The following HFM1 variants were observed in gnomAD, a reference collection of about 807,000 sequenced individuals.
HFM1 encodes the protein helicase for meiosis 1, also known as probable ATP-dependent DNA helicase HFM1.
HFM1 carries 169 observed loss-of-function variants against 192.1 expected under a neutral mutation model. The observed-to-expected ratio is 0.88, with a 90% CI of 0.78 to 1.00. HFM1 has a LOEUF of 1.00. Among genes scored for constraint, HFM1 ranks in the 50% least tolerant of loss-of-function variants. The pLI, the probability that HFM1 is intolerant of heterozygous loss-of-function variation, is 0.00. For synonymous variants in HFM1, 525 were observed against 537.8 expected (o/e 0.98, Z 0.33); for missense variants, 1,661 against 1,668.0 (o/e 1.00, Z 0.07).
chr1:91,323,529 T>C (rs1652442425), intron 21 of HFM1, among the ~76,000 whole-genome samples: 1 of 152,168 alleles, frequency 6.6e-6, no homozygotes, highest in Admixed American at 6.5e-5. Context: ...ATAAACACTG[T>C]TTTTGTTACT....
At chr1:91,305,148 T>C (rs969437488) in intron 30 of HFM1, among the ~76,000 whole-genome samples, 2 of 152,190 alleles carry the variant, frequency 1.3e-5, no homozygotes, top group Non-Finnish European at 2.9e-5. Context: ...GCTTAGCTAT[T>C]CTGGGTCCCT....
chr1:91,282,875 C>A (rs767540596), intron 30 of HFM1, among the ~76,000 whole-genome samples: 1 of 152,146 alleles, frequency 6.6e-6, no homozygotes, highest in Non-Finnish European at 1.5e-5. Context: ...CATGTCTAAA[C>A]GCTGCCACAA....
intron 13 of HFM1, among the ~76,000 whole-genome samples, chr1:91,358,905 A>C (rs2101806498): frequency 6.6e-6 from 1 of 152,306 alleles, no homozygotes; most frequent in East Asian, 1.9e-4. Context: ...TTCTAGAGGA[A>C]GTAGCTGGCT....
chr1:91,376,095 G>A (rs12729011), intron 11 of HFM1, among the ~76,000 whole-genome samples: 184 of 152,002 alleles, frequency 1.2e-3, no homozygotes, highest in Non-Finnish European at 2.1e-3. Context: ...CAAAATGGCT[G>A]ACATCTCTTT....
chr1:91,348,209 C>CA (rs1339549924), intron 18 of HFM1, among the ~76,000 whole-genome samples: 1 of 151,400 alleles, frequency 6.6e-6, no homozygotes, highest in Non-Finnish European at 1.5e-5. Flanking sequence ...TATCTCAATA[C>CA]AAAAAAGTAA....
intron 38 of HFM1, 27 bp downstream of exon 38, chr1:91,262,214 C>A: frequency 9.0e-7 from 1 of 1,107,268 alleles, no homozygotes; most frequent in Non-Finnish European, 1.3e-6. Context: ...TTGATATAAT[C>A]TTAAAGTGTC....
Position 91,385,741 on chromosome 1 carries a change from T to C in HFM1, c.588A>G (p.Thr196=). Residue 196 remains threonine (T), a synonymous_variant, in exon 5 of 39, where the codon ACA becomes ACG. Transcript: ENST00000370425. ...TCCTTGATTTCCCTTTGTTCATTTC[T>C]GTTTGTACAATTTTCACTGAGCCAA... ...SHIGSVKIVQ[T]EMNKGKSRNY... 1 of 1,612,826 alleles carries C rather than the reference T, an allele frequency of 6.2e-7. No homozygotes were observed. Among genetic ancestry groups the C allele is most frequent in the Non-Finnish European group, 8.5e-7 (1 of 1,178,882 alleles).
chr1:91,321,670 C>T (rs1376713579), intron 23 of HFM1, among the ~76,000 whole-genome samples: 3 of 152,150 alleles, frequency 2.0e-5, no homozygotes, highest in Non-Finnish European at 2.9e-5. Flanking sequence ...CCCACACGTA[C>T]ACACATTCTC....
At position 91,319,324 on chromosome 1, in the gene HFM1, C is replaced by G; in HGVS notation, c.2649G>C (p.Lys883Asn). Residue 883 changes from lysine (K) to asparagine (N), a missense_variant, in exon 24 of 39, where the codon AAG becomes AAC. Lys to Asn is a moderately conservative substitution (Grantham distance 94). Transcript: ENST00000370425. ...QDFALTQDTAKIFRHGSRITR... is the reference protein window; with the variant it reads ...QDFALTQDTANIFRHGSRITR... ...TAATTCGGGAGCCATGTCTGAAAAT[C>G]TTTGCGGTATCTTGTGTCAAAGCAA... 1.2e-6 allele frequency: 2 copies of G among 1,612,254 alleles called. No homozygotes were observed. The highest frequency in any genetic ancestry group is 1.7e-6 in the Non-Finnish European group (2 of 1,178,394).
intron 33 of HFM1, 53 bp downstream of exon 33, chr1:91,274,677 G>C (rs990744392): frequency 3.3e-6 from 3 of 906,192 alleles, no homozygotes; most frequent in Non-Finnish European, 5.3e-6. Context: ...TTACCTGCAG[G>C]AACAGAGTTT....
intron 28 of HFM1, among the ~76,000 whole-genome samples, chr1:91,314,898 G>A (rs1650978101): frequency 6.6e-6 from 1 of 152,180 alleles, no homozygotes; most frequent in African/African-American, 2.4e-5. Flanking sequence ...CAGTGAAAGG[G>A]ATATCCTGGT....
chr1:91,335,556 G>A (rs1294645223), intron 20 of HFM1, among the ~76,000 whole-genome samples: 3 of 152,074 alleles, frequency 2.0e-5, no homozygotes, highest in African/African-American at 4.8e-5. Flanking sequence ...GTAAAGCAAG[G>A]AAATAAAGAA....
At chr1:91,298,669 T>G (rs1648121263) in intron 30 of HFM1, among the ~76,000 whole-genome samples, 1 of 152,162 alleles carries the variant, frequency 6.6e-6, no homozygotes, top group Non-Finnish European at 1.5e-5. Context: ...AACCCAGAAT[T>G]TCATATCCAG....
chr1:91,263,998 C>A (rs1665429401), intron 36 of HFM1, among the ~76,000 whole-genome samples: 3 of 152,160 alleles, frequency 2.0e-5, no homozygotes, highest in African/African-American at 7.2e-5. Context: ...AGCTTTGTCT[C>A]ACTTGGATGG....
intron 23 of HFM1, 58 bp downstream of exon 23, chr1:91,322,892 A>G (rs922641191): frequency 1.2e-5 from 10 of 803,150 alleles, no homozygotes; most frequent in Non-Finnish European, 1.7e-5. Context: ...AGAAAAACAA[A>G]TTAAAAATGT....
At chr1:91,364,630 A>AT (rs369717640) in intron 13 of HFM1, among the ~76,000 whole-genome samples, 11,451 of 73,042 alleles carry the variant, frequency 0.16, 1,114 homozygotes, top group Non-Finnish European at 0.2. Context: ...ATATATATAT[A>AT]TATTTTTTTT....
At chr1:91,297,882 G>A (rs151020545) in intron 30 of HFM1, among the ~76,000 whole-genome samples, 27,385 of 152,028 alleles carry the variant, frequency 0.18, 3,096 homozygotes, top group Non-Finnish European at 0.26. Context: ...AATTCAGAGC[G>A]CCTCTCCTCC....
At chr1:91,366,132 A>G (rs1488844181) in intron 13 of HFM1, among the ~76,000 whole-genome samples, 4 of 152,168 alleles carry the variant, frequency 2.6e-5, no homozygotes, top group Non-Finnish European at 5.9e-5. Context: ...CAAAAAAATG[A>G]TTATCTGAAA....
intron 20 of HFM1, among the ~76,000 whole-genome samples, chr1:91,338,435 A>G (rs1482311583): frequency 2.0e-5 from 3 of 152,128 alleles, no homozygotes; most frequent in Non-Finnish European, 4.4e-5. Flanking sequence ...GGGTCCCTCC[A>G]TGGCCAAGCT....
Sources: allele counts gnomAD v4.1 joint callset (sites outside exome capture counted in the v4.1 genomes callset), GRCh38; gene constraint gnomAD v4.1.1; transcripts MANE v1.5; gene names NCBI Gene and HGNC (gene_info 2026-07-23, HGNC 2026-07-21).